Variants in PIK3R6 observed in about 807,000 individuals in gnomAD.
PIK3R6 encodes the protein phosphoinositide-3-kinase regulatory subunit 6.
PIK3R6 carries 91 observed loss-of-function variants against 84.9 expected under a neutral mutation model. The ratio of observed to expected loss-of-function variants is 1.07; its 90% CI spans 0.90 to 1.28. PIK3R6 has a LOEUF of 1.28. PIK3R6 is among the 50% of genes most tolerant of loss of function. PIK3R6 has a pLI of 0.00. For synonymous variants in PIK3R6, 416 were observed against 411.4 expected (o/e 1.01, Z -0.13); for missense variants, 996 against 985.1 (o/e 1.01, Z -0.15).
intron 10 of PIK3R6, among the ~76,000 whole-genome samples, chr17:8,829,224 CAG>C (rs372114068): frequency 1.3e-4 from 19 of 145,932 alleles, no homozygotes; most frequent in Admixed American, 6.1e-4. Context: ...GACACACACA[CAG>C]AGACACACTG....
At position 8,828,949 on chromosome 17, in the gene PIK3R6, G is replaced by T; in HGVS notation, c.931C>A (p.Arg311Ser). The change falls in exon 11 of 20, where the codon CGC becomes AGC. Residue 311 changes from arginine to serine, a missense_variant. Transcript: ENST00000619866. ...VLFLRPRSQLRLSADLEVLDL... is the reference protein window; with the variant it reads ...VLFLRPRSQLSLSADLEVLDL... ...AAGACCTCCAAGTCAGCACTGAGGC[G>T]CAGCTGGGATCTTGGGCGGAGGAAG... 2 of 1,505,224 alleles carry T rather than the reference G, an allele frequency of 1.3e-6. No individual in the cohort carries two copies. The highest frequency in any genetic ancestry group is 1.8e-6 in the Non-Finnish European group (2 of 1,126,982). 93.2% of individuals were successfully genotyped at this position (1,505,224 alleles called of 1,614,324 possible). A position where few individuals can be genotyped will look rare whatever the true frequency, so the allele number is the denominator to read the frequency against.
chr17:8,837,829 G>A lies in PIK3R6; in HGVS notation c.232C>T (p.His78Tyr), dbSNP rs764560499. 1.9e-6 allele frequency: 3 copies of A among 1,613,934 alleles called. No individual in the cohort carries two copies. The highest frequency in any genetic ancestry group is 2.5e-6 in the Non-Finnish European group (3 of 1,179,816). ...DLRHVIIPLLHTVMYVLTKAT... is the reference protein window; with the variant it reads ...DLRHVIIPLLYTVMYVLTKAT... ...TTGGTGAGCACGTACATTACAGTGTGCAGCAAGGGAATGATGACATGCCGG... is the reference window on the plus strand; with the variant it reads ...TTGGTGAGCACGTACATTACAGTGTACAGCAAGGGAATGATGACATGCCGG... Residue 78 changes from histidine (H) to tyrosine (Y), a missense_variant, in exon 5 of 20, where the codon CAC becomes TAC. His to Tyr is a moderately conservative substitution (Grantham distance 83). Coordinates refer to ENST00000619866, the MANE Select transcript of PIK3R6 (RefSeq NM_001010855.4).
chr17:8,808,608 G>A (rs1428412668), intron 18 of PIK3R6, among the ~76,000 whole-genome samples: 1 of 152,206 alleles, frequency 6.6e-6, no homozygotes, highest in Non-Finnish European at 1.5e-5. Flanking sequence ...TTGTGGTATT[G>A]TGGGACATCC....
chr17:8,822,178 C>T (rs1181976582), intron 16 of PIK3R6, among the ~76,000 whole-genome samples: 1 of 151,816 alleles, frequency 6.6e-6, no homozygotes, highest in African/African-American at 2.4e-5. Flanking sequence ...GCATGAGCCA[C>T]GGTGCCAGAC....
At position 8,839,482 on chromosome 17, in the gene PIK3R6, G is replaced by C; in HGVS notation, c.97+132C>G. On this transcript the variant is annotated intron_variant, in intron 3 of 19. Transcript: ENST00000619866. This position sits in a 1 kb window ranked among gnomAD's most constrained non-coding sequence, Gnocchi z 4.2. ...TTCAGGCTCTAGGTATTTCCAGCAGGAAAGGGGTTTGGTGAGACGACCCTT... is the reference window on the plus strand; with the variant it reads ...TTCAGGCTCTAGGTATTTCCAGCAGCAAAGGGGTTTGGTGAGACGACCCTT... 1 of 620,682 alleles carries C rather than the reference G, an allele frequency of 1.6e-6. No homozygotes were observed. Among genetic ancestry groups the C allele is most frequent in the Non-Finnish European group, 2.7e-6 (1 of 365,436 alleles). 38.4% of individuals were successfully genotyped at this position (620,682 alleles called of 1,614,324 possible).
intron 2 of PIK3R6, among the ~76,000 whole-genome samples, chr17:8,845,073 T>C (rs2088784642): frequency 6.6e-6 from 1 of 152,260 alleles, no homozygotes; most frequent in South Asian, 2.1e-4. Context: ...CAGTCTGTTG[T>C]TGACAGGCAC....
Position 8,867,582 on chromosome 17 carries a change from G to T in PIK3R6, c.-145C>A. 2.0e-6 allele frequency: 1 copy of T among 510,844 alleles called. No homozygotes were observed. Among genetic ancestry groups the T allele is most frequent in the Non-Finnish European group, 3.9e-6 (1 of 254,808 alleles). 31.6% of individuals were successfully genotyped at this position (510,844 alleles called of 1,614,324 possible). A position where few individuals can be genotyped will look rare whatever the true frequency, so the allele number is the denominator to read the frequency against. On this transcript the variant is annotated 5_prime_UTR_variant, in exon 1 of 20. Coordinates refer to ENST00000619866, the MANE Select transcript of PIK3R6 (RefSeq NM_001010855.4). ...CCAAGTCCTTCAGCCAACTCCCCACGGTCCTGAGCGAGGTCCCCAGTCCCA... is the reference window on the plus strand; with the variant it reads ...CCAAGTCCTTCAGCCAACTCCCCACTGTCCTGAGCGAGGTCCCCAGTCCCA...
At chr17:8,853,496 A>AT (rs1385524959) in intron 1 of PIK3R6, among the ~76,000 whole-genome samples, 2 of 147,512 alleles carry the variant, frequency 1.4e-5, no homozygotes, top group Non-Finnish European at 3.0e-5. Context: ...AAAAAAAAAA[A>AT]AAATAATAAT....
At chr17:8,855,194 G>GAAACAAAACA (rs71361831) in intron 1 of PIK3R6, among the ~76,000 whole-genome samples, 31,195 of 144,532 alleles carry the variant, frequency 0.22, 4,030 homozygotes, top group Non-Finnish European at 0.28. Flanking sequence ...CTCCATCTCA[G>GAAACAAAACA]AAACAAAACA....
intron 18 of PIK3R6, among the ~76,000 whole-genome samples, chr17:8,805,641 C>T (rs900707350): frequency 3.3e-5 from 5 of 152,172 alleles, no homozygotes; most frequent in East Asian, 1.9e-4. Context: ...CTTGGCCGGG[C>T]GCGGTGGCTC....
intron 11 of PIK3R6, 120 bp from the exon 12 acceptor site, chr17:8,828,310 C>G: frequency 1.8e-6 from 2 of 1,087,954 alleles, no homozygotes; most frequent in Non-Finnish European, 2.7e-6. Flanking sequence ...TGAGCCTCTG[C>G]TTTCTCATCT....
chr17:8,836,719 G>A, intron 6 of PIK3R6, 72 bp downstream of exon 6: 1 of 1,609,652 alleles, frequency 6.2e-7, no homozygotes, highest in East Asian at 2.2e-5. Flanking sequence ...CCGGTATCCT[G>A]GAGAAAAAGG....
At chr17:8,848,232 A>G (rs2151293403) in intron 2 of PIK3R6, among the ~76,000 whole-genome samples, 1 of 152,322 alleles carries the variant, frequency 6.6e-6, no homozygotes, top group Non-Finnish European at 1.5e-5. Flanking sequence ...TTTTTAAAAA[A>G]TGAAATTGGC....
Position 8,810,021 on chromosome 17 carries a change from A to G in PIK3R6, c.1996-5868T>C, listed in dbSNP as rs116255111. On this transcript the variant is annotated intron_variant, in intron 18 of 19. Transcript: ENST00000619866. ...AGATTCCTAAATACTACTAGATCAA[A>G]GAGATAGCCACTGTATTAATCCATT... Among the ~76,000 whole-genome samples the G allele has an allele frequency of 6.8e-3, 1,040 of 152,254 alleles. 7 individuals carry two copies. The highest frequency in any genetic ancestry group is 0.023 in the African/African-American group (974 of 41,548).
intron 9 of PIK3R6, among the ~76,000 whole-genome samples, chr17:8,831,882 A>G (rs999387211): frequency 6.6e-6 from 1 of 152,226 alleles, no homozygotes; most frequent in African/African-American, 2.4e-5. Context: ...TCTCTGGGCT[A>G]TTTCAGATGC....
chr17:8,817,911 T>TTTTTTTTTTTCC, intron 18 of PIK3R6, among the ~76,000 whole-genome samples: 1 of 146,846 alleles, frequency 6.8e-6, no homozygotes, highest in Admixed American at 6.8e-5. Context: ...CAGAGTTGTT[T>TTTTTTTTTTTCC]TTTTTTTTTT....
chr17:8,832,962 G>T lies in PIK3R6; in HGVS notation c.729C>A (p.Ser243Arg). 6.2e-7 allele frequency: 1 copy of T among 1,612,456 alleles called. No individual in the cohort carries two copies. Residue 243 changes from serine (S) to arginine (R), a missense_variant, in exon 9 of 20, where the codon AGC (serine) becomes AGA (arginine). Ser to Arg is a moderately radical substitution (Grantham distance 110, BLOSUM62 -1). Transcript: ENST00000619866. ...LEQMASEASPSREGHVERLEE... is the reference protein window; with the variant it reads ...LEQMASEASPRREGHVERLEE... ...CCAGCCTCTCTACGTGTCCCTCCCG[G>T]CTCGGGCTGGCCTCGCTGGCCATCT...
chr17:8,832,375 C>CTTTTTTTTTTTTTTTTTTTTTTTTTTTTT, intron 9 of PIK3R6, among the ~76,000 whole-genome samples: 1 of 77,796 alleles, frequency 1.3e-5, no homozygotes, highest in Non-Finnish European at 2.3e-5. Flanking sequence ...TACCCACCTT[C>CTTTTTTTTTTTTTTTTTTTTTTTTTTTTT]TTTTTTTTTT....
In PIK3R6 at chr17:8,823,105, G is replaced by T. The variant is rs766474482; in HGVS notation, c.1627-19C>A. 1.3e-6 allele frequency: 2 copies of T among 1,544,408 alleles called. No homozygotes were observed. Among genetic ancestry groups the T allele is most frequent in the Non-Finnish European group, 1.8e-6 (2 of 1,117,078 alleles). The stretch of plus-strand genomic sequence containing the variant: ...AAAAGATCTGGAGAGAGGAAGGGAG[G>T]GTGGCATTTCCTGGTGTGATTTCCA... On this transcript the variant is annotated intron_variant, in intron 14 of 19. Transcript: ENST00000619866.
Sources: gnomAD v4.1 joint callset for allele counts (sites outside exome capture counted in the v4.1 genomes callset) on GRCh38, gnomAD v4.1.1 for gene constraint, Gnocchi (gnomAD v3.1) non-coding constraint, MANE v1.5 for transcripts, NCBI Gene and HGNC (gene_info 2026-07-23, HGNC 2026-07-21) for gene names.